PALS1: variants seen among roughly 807,000 people sequenced by gnomAD.
PALS1 encodes the protein protein PALS1.
In PALS1, 31 loss-of-function variants were observed where a neutral mutation model predicts 78.9. The ratio of observed to expected loss-of-function variants is 0.39; its 90% CI spans 0.30 to 0.53. The LOEUF is 0.53. Among genes scored for constraint, PALS1 ranks in the 20% least tolerant of loss-of-function variants. PALS1 has a pLI of 0.67. For missense variants in PALS1, 704 were observed against 826.5 expected (o/e 0.85, Z 1.82); for synonymous variants, 276 against 270.9 (o/e 1.02, Z -0.18).
intron 8 of PALS1, among the ~76,000 whole-genome samples, chr14:67,308,328 T>C (rs201712663): frequency 2.1e-5 from 3 of 144,774 alleles, no homozygotes; most frequent in African/African-American, 5.2e-5. Context: ...TTTTTTTTTT[T>C]CTTTTTTTTC....
chr14:67,289,768 C>CTTTTTTTTTTTTTTTTTT lies in PALS1; in HGVS notation c.368-2743_368-2742insTTTTTTTTTTTTTTTTTT, dbSNP rs1491090879. Among the ~76,000 whole-genome samples, 11 of 95,508 alleles carry CTTTTTTTTTTTTTTTTTT rather than the reference C, an allele frequency of 1.2e-4. 5 individuals carry two copies. Among genetic ancestry groups the CTTTTTTTTTTTTTTTTTT allele is most frequent in the Non-Finnish European group, 1.3e-4 (6 of 46,860 alleles). 62.7% of individuals were successfully genotyped at this position (95,508 alleles called of 152,430 possible). On this transcript the variant is annotated intron_variant, in intron 3 of 14. Transcript: ENST00000261681. ...ACATTGGGAAGATTTTTTTCCATGTCCTTTTTTTTTTTTTTTTTTTTTGAG... is the reference window on the plus strand; with the variant it reads ...ACATTGGGAAGATTTTTTTCCATGTCTTTTTTTTTTTTTTTTTTCTTTTTTTTTTTTTTTTTTTTTGAG...
At chr14:67,267,714 T>C (rs1390385354) in intron 1 of PALS1, among the ~76,000 whole-genome samples, 2 of 152,212 alleles carry the variant, frequency 1.3e-5, no homozygotes, top group Non-Finnish European at 2.9e-5. Context: ...AGGACACTTT[T>C]ATCACATGAA....
chr14:67,306,247 G>A (rs2085001044), intron 8 of PALS1, among the ~76,000 whole-genome samples: 2 of 152,116 alleles, frequency 1.3e-5, no homozygotes, highest in Admixed American at 1.3e-4. Context: ...TGGGATTACA[G>A]GCATGAGCCA....
intron 1 of PALS1, among the ~76,000 whole-genome samples, chr14:67,263,674 A>G (rs2084271302): frequency 1.3e-5 from 2 of 152,190 alleles, no homozygotes; most frequent in African/African-American, 4.8e-5. Context: ...TCGAAAAACA[A>G]CTTAACCTCT....
chr14:67,329,543 C>T (rs10144002), intron 14 of PALS1, among the ~76,000 whole-genome samples: 7,342 of 152,152 alleles, frequency 0.048, 344 homozygotes, highest in African/African-American at 0.12. Flanking sequence ...AGAGGGCATC[C>T]CTGTCTTGCG....
chr14:67,324,905 T>C (rs2085327321), intron 14 of PALS1, among the ~76,000 whole-genome samples: 1 of 138,548 alleles, frequency 7.2e-6, no homozygotes. Flanking sequence ...TCATTTTTTT[T>C]TTTTTTTTTT....
intron 1 of PALS1, among the ~76,000 whole-genome samples, chr14:67,243,119 T>G (rs1369445756): frequency 6.6e-6 from 1 of 152,200 alleles, no homozygotes; most frequent in East Asian, 1.9e-4. Flanking sequence ...TTCTCTGATA[T>G]TTTCTGATTT....
At chr14:67,289,966 G>T (rs1292056326) in intron 3 of PALS1, among the ~76,000 whole-genome samples, 1 of 151,848 alleles carries the variant, frequency 6.6e-6, no homozygotes, top group Non-Finnish European at 1.5e-5. Flanking sequence ...TAGAGACGGG[G>T]TTTCACCGTG....
intron 2 of PALS1, among the ~76,000 whole-genome samples, chr14:67,276,002 C>A (rs1368272354): frequency 6.6e-6 from 1 of 151,818 alleles, no homozygotes; most frequent in Non-Finnish European, 1.5e-5. Context: ...GTATTTGATT[C>A]TTCTCTCTTT....
At chr14:67,249,156 T>G (rs1453489218) in intron 1 of PALS1, among the ~76,000 whole-genome samples, 1 of 150,750 alleles carries the variant, frequency 6.6e-6, no homozygotes, top group Non-Finnish European at 1.5e-5. Flanking sequence ...GAGATGGGGC[T>G]TCACCATATT....
At chr14:67,327,172 A>G (rs114850666) in intron 14 of PALS1, among the ~76,000 whole-genome samples, 3,417 of 152,110 alleles carry the variant, frequency 0.022, 129 homozygotes, top group African/African-American at 0.078. Flanking sequence ...AAGACTCTCA[A>G]AAAAAAAGAA....
chr14:67,247,867 C>T (rs1171783153), intron 1 of PALS1, among the ~76,000 whole-genome samples: 1 of 152,160 alleles, frequency 6.6e-6, no homozygotes, highest in East Asian at 1.9e-4. Context: ...GCATGAGTCA[C>T]AGTGCCTGGC....
At chr14:67,299,799 G>A (rs4058254) in intron 4 of PALS1, among the ~76,000 whole-genome samples, 23,496 of 152,042 alleles carry the variant, frequency 0.15, 3,416 homozygotes, top group East Asian at 0.42. Context: ...GGAATAGGGA[G>A]AAAATCTCTA....
At position 67,323,750 on chromosome 14, in the gene PALS1, A is replaced by G. The variant is rs1595617781; in HGVS notation, c.1789A>G (p.Ile597Val). 1 of 1,605,764 alleles carries G rather than the reference A, an allele frequency of 6.2e-7. No individual in the cohort carries two copies. The highest frequency in any genetic ancestry group is 1.1e-5 in the South Asian group (1 of 89,694). The part of the protein sequence containing the change: ...NSDLKPYIIF[I>V]APPSQERLRA... ...AGATTTGAAACCATATATTATCTTC[A>G]TTGCACCCCCTTCACAAGAAAGACT... Residue 597 changes from isoleucine (I) to valine (V), a missense_variant, in exon 14 of 15, where the codon ATT becomes GTT. Ile to Val is a conservative substitution (Grantham distance 29). Coordinates refer to ENST00000261681, the MANE Select transcript of PALS1 (RefSeq NM_022474.4).
chr14:67,301,529 A>C, intron 5 of PALS1, 63 bp downstream of exon 5: 1 of 1,207,136 alleles, frequency 8.3e-7, no homozygotes, highest in Non-Finnish European at 1.2e-6. Flanking sequence ...TTTTTAAATC[A>C]AAGACTCCAG....
At chr14:67,300,058 A>G (rs1346840189) in intron 4 of PALS1, among the ~76,000 whole-genome samples, 1 of 152,156 alleles carries the variant, frequency 6.6e-6, no homozygotes, top group East Asian at 1.9e-4. Context: ...AGCCTTGTCC[A>G]TTGTAAGATT....
intron 1 of PALS1, among the ~76,000 whole-genome samples, chr14:67,257,028 G>A (rs573475632): frequency 3.4e-4 from 52 of 152,116 alleles, no homozygotes; most frequent in Non-Finnish European, 6.2e-4. Flanking sequence ...TTTTAAATAC[G>A]TTTTAGGGAG....
At chr14:67,322,927 T>C (rs1274421038) in intron 13 of PALS1, among the ~76,000 whole-genome samples, 1 of 152,178 alleles carries the variant, frequency 6.6e-6, no homozygotes, top group African/African-American at 2.4e-5. Flanking sequence ...CTACTTTTTC[T>C]TGGATGTGCT....
chr14:67,285,511 T>C (rs2084672462), intron 3 of PALS1, among the ~76,000 whole-genome samples: 1 of 151,820 alleles, frequency 6.6e-6, no homozygotes, highest in Non-Finnish European at 1.5e-5. Context: ...AGACTACAGG[T>C]GCCCACCACC....
Sources: allele counts gnomAD v4.1 joint callset (sites outside exome capture counted in the v4.1 genomes callset), GRCh38; gene constraint gnomAD v4.1.1; transcripts MANE v1.5; gene names NCBI Gene and HGNC (gene_info 2026-07-23, HGNC 2026-07-21).